Variants in CCSER1 observed in about 807,000 individuals in gnomAD.
CCSER1 encodes the protein serine-rich coiled-coil domain-containing protein 1.
In CCSER1, 41 loss-of-function variants were observed where a neutral mutation model predicts 82.0. The ratio of observed to expected loss-of-function variants is 0.50; its 90% CI spans 0.39 to 0.65. The LOEUF (loss-of-function observed/expected upper bound fraction) is 0.65. Ranked by LOEUF, CCSER1 falls within the 30% of genes least tolerant of loss-of-function variation. CCSER1 has a pLI of 0.00. For missense variants in CCSER1, 1,119 were observed against 1,064.2 expected (o/e 1.05, Z -0.72); for synonymous variants, 414 against 383.9 (o/e 1.08, Z -0.92).
At chr4:90,782,685 C>CTTTTTTT (rs61457393) in intron 7 of CCSER1, among the ~76,000 whole-genome samples, 13 of 133,970 alleles carry the variant, frequency 9.7e-5, no homozygotes, top group African/African-American at 3.4e-4. Context: ...TTCTTTCTTT[C>CTTTTTTT]TTTTTTTTTT....
At chr4:91,462,885 C>G (rs751789021) in intron 10 of CCSER1, among the ~76,000 whole-genome samples, 4 of 152,026 alleles carry the variant, frequency 2.6e-5, no homozygotes, top group Non-Finnish European at 5.9e-5. Flanking sequence ...TAGAGCCCAC[C>G]TCTGCTCAAG....
At chr4:90,654,683 A>T (rs1729390877) in intron 6 of CCSER1, among the ~76,000 whole-genome samples, 1 of 151,992 alleles carries the variant, frequency 6.6e-6, no homozygotes, top group Non-Finnish European at 1.5e-5. Flanking sequence ...TGTACGCCTA[A>T]CCCTCTCTCA....
At chr4:91,590,435 C>T (rs1470006149) in intron 10 of CCSER1, among the ~76,000 whole-genome samples, 1 of 152,092 alleles carries the variant, frequency 6.6e-6, no homozygotes, top group Non-Finnish European at 1.5e-5. Flanking sequence ...TTTCCTAGAC[C>T]TTTAACAGAA....
chr4:90,990,564 T>G (rs920439274), intron 9 of CCSER1, among the ~76,000 whole-genome samples: 6 of 151,892 alleles, frequency 4.0e-5, no homozygotes, highest in Non-Finnish European at 5.9e-5. Context: ...TGTCAGGGAG[T>G]GCTTCTGGAA....
intron 10 of CCSER1, among the ~76,000 whole-genome samples, chr4:91,483,984 A>G (rs1184542446): frequency 2.0e-5 from 3 of 150,616 alleles, no homozygotes; most frequent in African/African-American, 7.3e-5. Flanking sequence ...AATGTTCCTT[A>G]TAGTGCTTAC....
At chr4:91,462,489 T>G (rs557068392) in intron 10 of CCSER1, among the ~76,000 whole-genome samples, 21 of 151,956 alleles carry the variant, frequency 1.4e-4, no homozygotes, top group African/African-American at 5.1e-4. Flanking sequence ...TTCATCTCAC[T>G]GGGGTTTGTT....
At chr4:91,224,646 T>C (rs1176467418) in intron 10 of CCSER1, among the ~76,000 whole-genome samples, 1 of 152,058 alleles carries the variant, frequency 6.6e-6, no homozygotes, top group Non-Finnish European at 1.5e-5. Flanking sequence ...TATCAATAAT[T>C]AGGAAACCTA....
intron 5 of CCSER1, among the ~76,000 whole-genome samples, chr4:90,485,305 C>T (rs1364593245): frequency 2.6e-5 from 4 of 152,204 alleles, no homozygotes. Context: ...AGTGAATTCC[C>T]TGACCCGTTG....
chr4:90,473,971 T>C (rs1764733727), intron 5 of CCSER1, among the ~76,000 whole-genome samples: 2 of 152,152 alleles, frequency 1.3e-5, no homozygotes, highest in African/African-American at 4.8e-5. Flanking sequence ...TGAAATCCCT[T>C]CTGTACTAAA....
chr4:90,593,760 G>A (rs1782985573), intron 5 of CCSER1, among the ~76,000 whole-genome samples: 1 of 151,876 alleles, frequency 6.6e-6, no homozygotes, highest in African/African-American at 2.4e-5. Flanking sequence ...CGTCTCCTCT[G>A]TGTTCTTAAA....
At chr4:91,108,883 T>C (rs374522675) in intron 10 of CCSER1, among the ~76,000 whole-genome samples, 1 of 152,188 alleles carries the variant, frequency 6.6e-6, no homozygotes, top group African/African-American at 2.4e-5. Context: ...CTAGAGAAGA[T>C]TGGCATTTGA....
At chr4:90,802,220 A>G (rs1208865153) in intron 7 of CCSER1, among the ~76,000 whole-genome samples, 1 of 148,970 alleles carries the variant, frequency 6.7e-6, no homozygotes, top group African/African-American at 2.4e-5. Flanking sequence ...TCCATCTAAA[A>G]AAAAAATAAA....
chr4:90,909,273 A>T (rs950118189), intron 8 of CCSER1, among the ~76,000 whole-genome samples: 8 of 152,152 alleles, frequency 5.3e-5, no homozygotes, highest in African/African-American at 1.7e-4. Flanking sequence ...TAATGTGATT[A>T]TATCTGCAAA....
At chr4:90,940,143 T>C (rs1171043085) in intron 9 of CCSER1, among the ~76,000 whole-genome samples, 1 of 152,092 alleles carries the variant, frequency 6.6e-6, no homozygotes, top group African/African-American at 2.4e-5. Context: ...AGTAAGTCAA[T>C]AAAGAAAGGT....
At chr4:91,363,358 TG>T (rs1749387479) in intron 10 of CCSER1, among the ~76,000 whole-genome samples, 1 of 55,116 alleles carries the variant, frequency 1.8e-5, no homozygotes, top group African/African-American at 1.4e-4. Flanking sequence ...GGAGATATTT[TG>T]TGTGTGTGTG....
chr4:90,458,949 A>G (rs146132588), intron 4 of CCSER1, among the ~76,000 whole-genome samples: 7 of 152,298 alleles, frequency 4.6e-5, no homozygotes, highest in African/African-American at 1.7e-4. Flanking sequence ...AGTTTTTAAT[A>G]GCTAATTTAT....
rs1223715378 is a variant in CCSER1, at chr4:91,496,627, T to TATATATTCAATATATA, written c.2218-101945_2218-101944insATATATTCAATATATA. Among the ~76,000 whole-genome samples, 19 of 35,696 alleles carry TATATATTCAATATATA rather than the reference T, an allele frequency of 5.3e-4. 3 individuals carry two copies. Among genetic ancestry groups the TATATATTCAATATATA allele is most frequent in the South Asian group, 1.1e-3 (1 of 928 alleles). The allele number at this position is 35,696 out of a possible 152,430, so 23.4% of individuals were successfully genotyped here. A position where few individuals can be genotyped will look rare whatever the true frequency, so the allele number is the denominator to read the frequency against. On this transcript the variant is annotated intron_variant, in intron 10 of 10. Coordinates refer to ENST00000509176, the MANE Select transcript of CCSER1 (RefSeq NM_001145065.2). ...GAATATATATATACACGAATATATA[T>TATATATTCAATATATA]TTGAATATATATATATTCAATATAT...
At chr4:91,147,791 T>C (rs1265662271) in intron 10 of CCSER1, among the ~76,000 whole-genome samples, 2 of 152,190 alleles carry the variant, frequency 1.3e-5, no homozygotes, top group African/African-American at 4.8e-5. Context: ...ATATTCATGA[T>C]AAAAATGTAC....
intron 3 of CCSER1, among the ~76,000 whole-genome samples, chr4:90,381,040 T>C (rs1391653714): frequency 2.0e-5 from 3 of 152,174 alleles, no homozygotes; most frequent in Admixed American, 6.5e-5. Flanking sequence ...GCCCAGCCAG[T>C]GTCAAAATCT....
Sources: allele counts gnomAD v4.1 joint callset (sites outside exome capture counted in the v4.1 genomes callset), GRCh38; gene constraint gnomAD v4.1.1; transcripts MANE v1.5; gene names NCBI Gene and HGNC (gene_info 2026-07-23, HGNC 2026-07-21).